OS9: variants seen among roughly 807,000 people sequenced by gnomAD.
OS9 encodes protein OS-9.
OS9 carries 58 observed loss-of-function variants against 84.7 expected under a neutral mutation model. The observed-to-expected ratio is 0.68, with a 90% confidence interval of 0.55 to 0.85. The LOEUF is 0.85. Among genes scored for constraint, OS9 ranks in the 40% least tolerant of loss-of-function variants. The pLI, the probability that OS9 is intolerant of heterozygous loss-of-function variation, is 0.00. For missense variants in OS9, 760 were observed against 850.9 expected (o/e 0.89, Z 1.33); for synonymous variants, 278 against 320.8 (o/e 0.87, Z 1.43).
intron 2 of OS9, 22 bp from the exon 3 acceptor site, chr12:57,695,758 T>G (rs774592764): frequency 3.2e-6 from 5 of 1,540,960 alleles, no homozygotes; most frequent in South Asian, 2.2e-5. Context: ...ATCCCCCTGA[T>G]TGTTTATTTT....
At chr12:57,712,830 A>C (rs1954371163) in intron 5 of OS9, among the ~76,000 whole-genome samples, 1 of 151,672 alleles carries the variant, frequency 6.6e-6, no homozygotes, top group East Asian at 1.9e-4. Context: ...TTGGCCCTGC[A>C]CACAGCCACA....
chr12:57,700,739 G>A (rs1953996281), intron 5 of OS9, among the ~76,000 whole-genome samples: 1 of 151,710 alleles, frequency 6.6e-6, no homozygotes, highest in African/African-American at 2.4e-5. Context: ...TAGCGGAAAG[G>A]AGGAGAGGGA....
In OS9 at chr12:57,716,452, C is replaced by T. The variant is rs1259826380; in HGVS notation, c.933C>T (p.Phe311=). 6.4e-7 allele frequency: 1 copy of T among 1,568,992 alleles called. No homozygotes were observed. Among genetic ancestry groups the T allele is most frequent in the Non-Finnish European group, 8.6e-7 (1 of 1,156,118 alleles). The change falls in exon 8 of 15, where the codon TTC becomes TTT. Residue 311 remains phenylalanine (F), a synonymous_variant. Transcript: ENST00000315970. ...AGGATGACAGTAAGGACTCAGATTTCTGGAAGATGCTTAATGAGCCAGAGG... is the reference window on the plus strand; with the variant it reads ...AGGATGACAGTAAGGACTCAGATTTTTGGAAGATGCTTAATGAGCCAGAGG... ...PTKDDSKDSD[F]WKMLNEPEDQ...
At chr12:57,717,567 T>C (rs1311281050) in intron 9 of OS9, among the ~76,000 whole-genome samples, 1 of 151,454 alleles carries the variant, frequency 6.6e-6, no homozygotes, top group African/African-American at 2.4e-5. Flanking sequence ...CTGAGGCAGG[T>C]GGATCACCTG....
Position 57,720,868 on chromosome 12 carries a change from G to A in OS9, c.1963G>A (p.Gly655Ser), listed in dbSNP as rs1954661451. 1 of 1,614,146 alleles carries A rather than the reference G, an allele frequency of 6.2e-7. No individual in the cohort carries two copies. Among genetic ancestry groups the A allele is most frequent in the South Asian group, 1.1e-5 (1 of 91,088 alleles). Residue 655 changes from glycine to serine, a missense_variant, in exon 15 of 15, where the codon GGT becomes AGT. Coordinates refer to ENST00000315970, the MANE Select transcript of OS9 (RefSeq NM_006812.4). Reference protein sequence around the residue: ...SNYRRVWGSPGGEGTGDLDEF... With the variant: ...SNYRRVWGSPSGEGTGDLDEF... ...TTACCGCCGGGTGTGGGGCTCTCCA[G>A]GTGGGGAGGGCACAGGGGACCTGGA...
At chr12:57,705,001 A>G (rs1457570038) in intron 5 of OS9, among the ~76,000 whole-genome samples, 1 of 152,214 alleles carries the variant, frequency 6.6e-6, no homozygotes, top group Non-Finnish European at 1.5e-5. Context: ...TGTTTATTGA[A>G]TAGTCCATAC....
At position 57,720,961 on chromosome 12, in the gene OS9, C is replaced by G. The variant is rs1954664449; in HGVS notation, c.*52C>G. The G allele has an allele frequency of 1.2e-6, 2 of 1,606,764 alleles. No homozygotes were observed. On this transcript the variant is annotated 3_prime_UTR_variant, in exon 15 of 15. Coordinates refer to ENST00000315970, the MANE Select transcript of OS9 (RefSeq NM_006812.4). ...GGAATCCAGACTCTTCCTGGACTGGCTTGCCTCCTCCCCACCTCCCCACCC... is the reference window on the plus strand; with the variant it reads ...GGAATCCAGACTCTTCCTGGACTGGGTTGCCTCCTCCCCACCTCCCCACCC...
intron 5 of OS9, among the ~76,000 whole-genome samples, 163 bp downstream of exon 5, chr12:57,696,536 CT>C (rs1953850782): frequency 6.6e-6 from 1 of 152,138 alleles, no homozygotes. Context: ...TGGCTTATGC[CT>C]GTAATCCCAG....
rs908778042 is a variant in OS9 at position 57,700,939 on chromosome 12, C to T, written c.579+4566C>T. Among the ~76,000 whole-genome samples the T allele has an allele frequency of 4.6e-5, 7 of 152,142 alleles. No individual in the cohort carries two copies. In the South Asian group the frequency reaches 6.2e-4, roughly 14 times the overall value. ...CATACAATTATACAAAAAAAAATGTCATAGAGACCCATAAATTCACTGCCA... is the reference window on the plus strand; with the variant it reads ...CATACAATTATACAAAAAAAAATGTTATAGAGACCCATAAATTCACTGCCA... On this transcript the variant is annotated intron_variant, in intron 5 of 14. Coordinates refer to ENST00000315970, the MANE Select transcript of OS9 (RefSeq NM_006812.4).
intron 6 of OS9, 60 bp from the exon 7 acceptor site, chr12:57,716,032 C>G (rs1164757574): frequency 1.3e-6 from 2 of 1,594,638 alleles, no homozygotes; most frequent in Non-Finnish European, 1.7e-6. Flanking sequence ...GGCAAAAGAT[C>G]AAGTATTGAA....
Position 57,715,864 on chromosome 12 carries a change from C to T in OS9, c.684C>T (p.Cys228=), listed in dbSNP as rs754586426. 1.2e-6 allele frequency: 2 copies of T among 1,613,518 alleles called. No homozygotes were observed. Among genetic ancestry groups the T allele is most frequent in the Non-Finnish European group, 1.7e-6 (2 of 1,179,616 alleles). ...TGACCATTCGCACTCCTCGGCTCTG[C>T]CCCCACCCTCTCCTCCGGCCCCCAC... ...YVLTIRTPRL[C]PHPLLRPPPS... is the part of the protein sequence containing the mutation. Residue 228 remains cysteine (C), a synonymous_variant, in exon 6 of 15, where the codon TGC becomes TGT. Transcript: ENST00000315970.
At chr12:57,714,595 C>T (rs1954428670) in intron 5 of OS9, among the ~76,000 whole-genome samples, 1 of 152,116 alleles carries the variant, frequency 6.6e-6, no homozygotes, top group African/African-American at 2.4e-5. Context: ...AGTAGGACCG[C>T]TCCCACTTTT....
chr12:57,705,856 T>C (rs779524060), intron 5 of OS9, among the ~76,000 whole-genome samples: 1 of 152,134 alleles, frequency 6.6e-6, no homozygotes, highest in Non-Finnish European at 1.5e-5. Flanking sequence ...TGCTGGTACA[T>C]GGTCACATTA....
At position 57,696,727 on chromosome 12, in the gene OS9, C is replaced by T. The variant is rs1049467414; in HGVS notation, c.579+354C>T. On this transcript the variant is annotated intron_variant, in intron 5 of 14. Coordinates refer to ENST00000315970, the MANE Select transcript of OS9 (RefSeq NM_006812.4). ...AGGAGAATTGCTTGAACCTGGGAGG[C>T]GGACGTTGCAGTGAGCCGAGGTCGT... 3.3e-5 allele frequency among the ~76,000 whole-genome samples: 5 copies of T among 151,802 alleles called. No individual in the cohort carries two copies. The East Asian group carries it at 7.8e-4, about 24-fold the overall frequency.
chr12:57,711,346 T>C (rs1954326422), intron 5 of OS9, among the ~76,000 whole-genome samples: 1 of 133,970 alleles, frequency 7.5e-6, no homozygotes, highest in Admixed American at 7.6e-5. Context: ...ATCTTTTTTT[T>C]TTTTTTTTTT....
chr12:57,699,075 TAAG>T (rs1368248261), intron 5 of OS9, among the ~76,000 whole-genome samples: 1 of 151,878 alleles, frequency 6.6e-6, no homozygotes, highest in Non-Finnish European at 1.5e-5. Flanking sequence ...ATCAACAGAG[TAAG>T]AAGGAGTCAA....
At chr12:57,694,425 A>T (rs1010958226) in intron 1 of OS9, 102 bp downstream of exon 1, 3 of 1,259,802 alleles carry the variant, frequency 2.4e-6, no homozygotes, top group African/African-American at 1.5e-5. Flanking sequence ...GCCTACGGGG[A>T]ATCGGGAAGA....
Position 57,720,986 on chromosome 12 carries a change from C to A in OS9, c.*77C>A. 2 of 1,547,534 alleles carry A rather than the reference C, an allele frequency of 1.3e-6. No homozygotes were observed. The highest frequency in any genetic ancestry group is 1.1e-5 in the South Asian group (1 of 87,942). On this transcript the variant is annotated 3_prime_UTR_variant, in exon 15 of 15. Coordinates refer to ENST00000315970, the MANE Select transcript of OS9 (RefSeq NM_006812.4). ...CTTGCCTCCTCCCCACCTCCCCACC[C>A]TGGAACCCCTGAGGGCCAAACAGCA...
At chr12:57,698,144 T>G (rs1188075857) in intron 5 of OS9, among the ~76,000 whole-genome samples, 1 of 152,186 alleles carries the variant, frequency 6.6e-6, no homozygotes, top group Non-Finnish European at 1.5e-5. Context: ...GGAACAGTGC[T>G]TCACTCAAAT....
Sources: gnomAD v4.1 joint callset for allele counts (sites outside exome capture counted in the v4.1 genomes callset) on GRCh38, gnomAD v4.1.1 for gene constraint, MANE v1.5 for transcripts, NCBI Gene and HGNC (gene_info 2026-07-23, HGNC 2026-07-21) for gene names.